Variants in ATP11B observed in about 807,000 individuals in gnomAD.
ATP11B encodes the protein phospholipid-transporting ATPase IF.
A neutral mutation model predicts 157.8 loss-of-function variants in ATP11B; 81 were observed. That is an observed-to-expected ratio of 0.51 (90% CI 0.43 to 0.62). The LOEUF is 0.62. Ranked by LOEUF, ATP11B falls within the 20% of genes least tolerant of loss-of-function variation. The pLI, the probability that ATP11B is intolerant of heterozygous loss-of-function variation, is 0.00. For missense variants in ATP11B, 1,165 were observed against 1,402.2 expected, an observed-to-expected ratio of 0.83 and a Z score of 2.70; for synonymous variants, 451 against 469.4, an observed-to-expected ratio of 0.96 and a Z score of 0.51.
At chr3:182,857,696 T>C (rs1255346077) in intron 10 of ATP11B, among the ~76,000 whole-genome samples, 182 bp from the exon 11 acceptor site, 1 of 152,204 alleles carries the variant, frequency 6.6e-6, no homozygotes, top group African/African-American at 2.4e-5. Flanking sequence ...GGTTCTTTTA[T>C]TGCTAATAAA....
rs1415453921 is a variant in ATP11B, at chr3:182,920,921, C to G, written c.*2817C>G. The G allele has an allele frequency of 2.0e-5, 3 of 152,286 alleles. No homozygotes were observed. The highest frequency in any genetic ancestry group is 4.4e-5 in the Non-Finnish European group (3 of 68,088). The allele number at this position is 152,286 out of a possible 1,614,324, so 9.4% of individuals were successfully genotyped here. A position where few individuals can be genotyped will look rare whatever the true frequency, so the allele number is the denominator to read the frequency against. Reference sequence around the variant, plus strand: ...AGCCACACCCAGGCCCTATCCTGAACAGGAGACTAAACAGAGGCAAATCAA... The same window carrying G: ...AGCCACACCCAGGCCCTATCCTGAAGAGGAGACTAAACAGAGGCAAATCAA... On this transcript the variant is annotated 3_prime_UTR_variant, in exon 30 of 30. Transcript: ENST00000323116.
At chr3:182,873,169 A>C (rs1223225756) in intron 18 of ATP11B, among the ~76,000 whole-genome samples, 1 of 152,120 alleles carries the variant, frequency 6.6e-6, no homozygotes, top group African/African-American at 2.4e-5. Context: ...AAATCCTTGA[A>C]GTCCATTTAT....
intron 29 of ATP11B, chr3:182,915,640 T>C: frequency 1.0e-6 from 1 of 966,480 alleles, no homozygotes; most frequent in East Asian, 1.1e-4. Context: ...AGAATTAATT[T>C]TAAATGAGCC....
At chr3:182,804,462 T>C (rs984804070) in intron 1 of ATP11B, among the ~76,000 whole-genome samples, 1 of 152,062 alleles carries the variant, frequency 6.6e-6, no homozygotes, top group Non-Finnish European at 1.5e-5. Context: ...CTTGATCTCC[T>C]GGCCTCGTGA....
intron 28 of ATP11B, among the ~76,000 whole-genome samples, chr3:182,912,334 A>C (rs1724851445): frequency 6.6e-6 from 1 of 152,116 alleles, no homozygotes; most frequent in Non-Finnish European, 1.5e-5. Context: ...ATGATATCTC[A>C]GGCTTCCCCC....
At chr3:182,883,772 G>A (rs1189998873) in intron 21 of ATP11B, among the ~76,000 whole-genome samples, 1 of 150,218 alleles carries the variant, frequency 6.7e-6, no homozygotes, top group African/African-American at 2.4e-5. Context: ...CGGCTAAAAC[G>A]GTGAAACCCC....
At chr3:182,901,834 A>G (rs1348183015) in intron 28 of ATP11B, among the ~76,000 whole-genome samples, 1 of 152,200 alleles carries the variant, frequency 6.6e-6, no homozygotes, top group Non-Finnish European at 1.5e-5. Flanking sequence ...CTAAAAATTG[A>G]TTTAGTCTAT....
chr3:182,852,492 G>C (rs1720058136), intron 10 of ATP11B, among the ~76,000 whole-genome samples: 1 of 152,212 alleles, frequency 6.6e-6, no homozygotes, highest in African/African-American at 2.4e-5. Context: ...GAAATGGGCA[G>C]ATTCTTTGAA....
chr3:182,874,109 T>C, intron 19 of ATP11B, 94 bp downstream of exon 19: 1 of 1,050,244 alleles, frequency 9.5e-7, no homozygotes, highest in African/African-American at 1.6e-5. Flanking sequence ...CTGCCTGTTT[T>C]TTACAGCCTA....
At chr3:182,904,681 A>G (rs1043417411) in intron 28 of ATP11B, among the ~76,000 whole-genome samples, 1 of 152,180 alleles carries the variant, frequency 6.6e-6, no homozygotes, top group Non-Finnish European at 1.5e-5. Context: ...TAAGGTCAAG[A>G]GTTCAAGGCC....
intron 21 of ATP11B, among the ~76,000 whole-genome samples, chr3:182,881,673 TAAA>T (rs1722438778): frequency 6.6e-6 from 1 of 152,228 alleles, no homozygotes; most frequent in African/African-American, 2.4e-5. Context: ...TTTTTCATAA[TAAA>T]AGTAGCTTTA....
Position 182,828,227 on chromosome 3 carries a change from A to G in ATP11B, c.234+18A>G, listed in dbSNP as rs1717855927. 2 of 1,196,762 alleles carry G rather than the reference A, an allele frequency of 1.7e-6. No individual in the cohort carries two copies. Among genetic ancestry groups the G allele is most frequent in the Non-Finnish European group, 2.3e-6 (2 of 852,450 alleles). 74.1% of individuals were successfully genotyped at this position (1,196,762 alleles called of 1,614,324 possible). On this transcript the variant is annotated intron_variant, in intron 3 of 29. Coordinates refer to ENST00000323116, the MANE Select transcript of ATP11B (RefSeq NM_014616.3). ...TGGTTCAGGTAAGCTTTATTACTCA[A>G]TCTTAAGTTTGTAAACATAGTTTCT...
intron 1 of ATP11B, among the ~76,000 whole-genome samples, chr3:182,814,570 G>A (rs1456884064): frequency 2.6e-5 from 4 of 152,160 alleles, no homozygotes; most frequent in Non-Finnish European, 5.9e-5. Context: ...CACTTTGGGA[G>A]ATTGAGGAAG....
chr3:182,897,958 TC>T (rs1723670705), intron 27 of ATP11B, among the ~76,000 whole-genome samples: 1 of 152,060 alleles, frequency 6.6e-6, no homozygotes, highest in Non-Finnish European at 1.5e-5. Context: ...CTGAGGGCTC[TC>T]TTTTGGAGAA....
chr3:182,889,699 A>G (rs1465057765), intron 25 of ATP11B, 151 bp downstream of exon 25: 1 of 713,920 alleles, frequency 1.4e-6, no homozygotes, highest in Middle Eastern at 4.1e-4. Flanking sequence ...TTAAATAATA[A>G]AGTTTCATAC....
At chr3:182,856,130 A>C (rs1449347986) in intron 10 of ATP11B, among the ~76,000 whole-genome samples, 1 of 152,156 alleles carries the variant, frequency 6.6e-6, no homozygotes, top group Non-Finnish European at 1.5e-5. Context: ...GAAACAGCCT[A>C]ATGTCCTAGA....
rs578085319 is a variant in ATP11B, at chr3:182,832,633, C to G, written c.315+2881C>G. 2.4e-4 allele frequency among the ~76,000 whole-genome samples: 36 copies of G among 152,236 alleles called. 1 individual carries two copies. In the South Asian group the frequency reaches 7.1e-3, roughly 30 times the overall value. ...TCAAAATAGGAAAAGGCTCCATTAT[C>G]AATTACTTACACTTTAATATGAATG... On this transcript the variant is annotated intron_variant, in intron 4 of 29. Transcript: ENST00000323116.
chr3:182,887,560 A>G (rs1370962101), intron 23 of ATP11B, 26 bp from the exon 24 acceptor site: 2 of 1,596,304 alleles, frequency 1.3e-6, no homozygotes, highest in East Asian at 2.3e-5. Flanking sequence ...CAGAAACTCA[A>G]CATTCCTACC....
At chr3:182,800,583 C>G (rs187785816) in intron 1 of ATP11B, among the ~76,000 whole-genome samples, 2 of 152,168 alleles carry the variant, frequency 1.3e-5, no homozygotes, top group East Asian at 3.9e-4. Context: ...AGTAAACATT[C>G]ACCTGTATTG....
Sources: allele counts gnomAD v4.1 joint callset (sites outside exome capture counted in the v4.1 genomes callset), GRCh38; gene constraint gnomAD v4.1.1; transcripts MANE v1.5; gene names NCBI Gene and HGNC (gene_info 2026-07-23, HGNC 2026-07-21).